The following UBR7 variants were observed in gnomAD, a reference collection of about 807,000 sequenced individuals.
UBR7 encodes ubiquitin protein ligase E3 component n-recognin 7.
A neutral mutation model predicts 57.0 loss-of-function variants in UBR7; 22 were observed. The observed-to-expected ratio is 0.39, with a 90% CI of 0.28 to 0.55. The LOEUF (loss-of-function observed/expected upper bound fraction) is 0.55. Among genes scored for constraint, UBR7 ranks in the 20% least tolerant of loss-of-function variants. The pLI is 0.69. For missense variants in UBR7, 395 were observed against 513.2 expected, an observed-to-expected ratio of 0.77 and a Z score of 2.23; for synonymous variants, 167 against 179.8, an observed-to-expected ratio of 0.93 and a Z score of 0.57.
Position 93,220,422 on chromosome 14 carries a change from T to C in UBR7, c.1123+11T>C, listed in dbSNP as rs761640940. 1.8e-5 allele frequency: 29 copies of C among 1,613,626 alleles called. No homozygotes were observed. The Admixed American group carries it at 4.5e-4, about 25-fold the overall frequency. ...TGGAACTCATTTGTGGTAAATACTG[T>C]GTGTGTGTGAAAATTCATCATTTCC... On this transcript the variant is annotated intron_variant, in intron 9 of 10. Transcript: ENST00000013070.
In UBR7 at chr14:93,228,932, A is replaced by C. The variant is rs1040250262; in HGVS notation, c.*1897A>C. 1 of 453,982 alleles carries C rather than the reference A, an allele frequency of 2.2e-6. No individual in the cohort carries two copies. The highest frequency in any genetic ancestry group is 2.0e-5 in the African/African-American group (1 of 50,014). The allele number at this position is 453,982 out of a possible 1,614,324, so 28.1% of individuals were successfully genotyped here. A position where few individuals can be genotyped will look rare whatever the true frequency, so the allele number is the denominator to read the frequency against. On this transcript the variant is annotated 3_prime_UTR_variant, in exon 11 of 11. Transcript: ENST00000013070. Reference sequence around the variant, plus strand: ...TCAGCGCTGAAGGGCTTGTTTTATGAAAGGTACTATTCCTTCTTTCACATT... The same window carrying C: ...TCAGCGCTGAAGGGCTTGTTTTATGCAAGGTACTATTCCTTCTTTCACATT...
intron 6 of UBR7, among the ~76,000 whole-genome samples, chr14:93,217,662 A>C (rs1894617501): frequency 6.6e-6 from 1 of 152,244 alleles, no homozygotes; most frequent in African/African-American, 2.4e-5. Flanking sequence ...GATATTTTCA[A>C]ATAAACTGTT....
intron 10 of UBR7, among the ~76,000 whole-genome samples, chr14:93,226,556 C>T (rs989655021): frequency 7.2e-5 from 11 of 152,002 alleles, no homozygotes; most frequent in Admixed American, 3.9e-4. Context: ...TTTGGGAGGC[C>T]GAGGCAGGCG....
rs903215144 is a variant in UBR7, at chr14:93,209,963, C to T, written c.284+6C>T. The T allele has an allele frequency of 6.2e-7, 1 of 1,613,738 alleles. No homozygotes were observed. Among genetic ancestry groups the T allele is most frequent in the East Asian group, 2.2e-5 (1 of 44,854 alleles). The stretch of plus-strand genomic sequence containing the variant: ...TTTGAGCTATACACAAAAAGGTAAA[C>T]ATAGTCAAGAGATTGTTACTAAATG... On this transcript the variant is annotated splice_donor_region_variant and intron_variant, in intron 2 of 10. Coordinates refer to ENST00000013070, the MANE Select transcript of UBR7 (RefSeq NM_175748.4).
At chr14:93,212,252 T>G in intron 4 of UBR7, 125 bp downstream of exon 4, 1 of 690,804 alleles carries the variant, frequency 1.4e-6, no homozygotes, top group Non-Finnish European at 2.6e-6. Flanking sequence ...GCTCTAGATT[T>G]ATCTTTTCTT....
chr14:93,226,239 ATC>A (rs1894845873), intron 10 of UBR7, among the ~76,000 whole-genome samples: 1 of 152,010 alleles, frequency 6.6e-6, no homozygotes, highest in South Asian at 2.1e-4. Context: ...CTTTCTCTTT[ATC>A]TCTTTCCCTT....
intron 10 of UBR7, chr14:93,223,633 G>A (rs554854954): frequency 2.3e-5 from 31 of 1,374,832 alleles, no homozygotes; most frequent in South Asian, 4.8e-5. Flanking sequence ...GTGGTGAAGC[G>A]TGGCTTGGGC....
At chr14:93,217,906 A>C (rs1239230772) in intron 6 of UBR7, among the ~76,000 whole-genome samples, 2 of 146,190 alleles carry the variant, frequency 1.4e-5, no homozygotes, top group Non-Finnish European at 3.0e-5. Flanking sequence ...GACCAGCCTG[A>C]CCAACATGGA....
intron 6 of UBR7, among the ~76,000 whole-genome samples, chr14:93,217,207 A>C (rs1470110051): frequency 6.6e-6 from 1 of 151,380 alleles, no homozygotes; most frequent in Non-Finnish European, 1.5e-5. Context: ...TTCTATTTTT[A>C]GTAGAGAAGG....
rs1433654079 is a variant in UBR7, at chr14:93,227,128, C to T, written c.*93C>T. The T allele has an allele frequency of 2.9e-5, 28 of 970,144 alleles. 1 individual carries two copies. The highest frequency in any genetic ancestry group is 2.2e-4 in the Middle Eastern group (1 of 4,646). 60.1% of individuals were successfully genotyped at this position (970,144 alleles called of 1,614,324 possible). On this transcript the variant is annotated 3_prime_UTR_variant, in exon 11 of 11. Coordinates refer to ENST00000013070, the MANE Select transcript of UBR7 (RefSeq NM_175748.4). ...TGTGGTTCACATTTGGCCCCCTTTC[C>T]GTCCTCCTCTGTTTGGAGAGGCCTC...
chr14:93,221,961 A>AAAT (rs1894717869), intron 9 of UBR7, among the ~76,000 whole-genome samples: 3 of 152,152 alleles, frequency 2.0e-5, no homozygotes, highest in East Asian at 1.9e-4. Flanking sequence ...AAAAAATAAA[A>AAAT]TAAATTAAAT....
intron 9 of UBR7, among the ~76,000 whole-genome samples, chr14:93,221,102 C>T (rs1040092114): frequency 4.7e-5 from 7 of 150,236 alleles, no homozygotes; most frequent in African/African-American, 1.7e-4. Context: ...CATGCCACTG[C>T]GCCCCCCCAA....
chr14:93,210,859 G>T (rs1894467815), intron 3 of UBR7, 151 bp downstream of exon 3: 1 of 697,576 alleles, frequency 1.4e-6, no homozygotes, highest in South Asian at 1.7e-5. Context: ...TACTTTGTTA[G>T]AAAAACTATA....
At chr14:93,223,705 T>TGGCC (rs989685566) in intron 10 of UBR7, 9 of 965,584 alleles carry the variant, frequency 9.3e-6, no homozygotes, top group African/African-American at 8.0e-5. Context: ...AACTGCTTGA[T>TGGCC]GGCCGGCCGG....
chr14:93,222,431 A>G, intron 10 of UBR7, 57 bp downstream of exon 10: 1 of 1,298,976 alleles, frequency 7.7e-7, no homozygotes, highest in South Asian at 1.2e-5. Context: ...TGAAGGGTTT[A>G]TTTCCTTTGA....
chr14:93,222,405 C>T lies in UBR7; in HGVS notation c.1185+31C>T, dbSNP rs774290201. ...TTGAGTTAAAGAATTCTAATCATAG[C>T]CCTGTAAGTTTTGAATGAAGGGTTT... On this transcript the variant is annotated intron_variant, in intron 10 of 10. Transcript: ENST00000013070. The T allele has an allele frequency of 2.7e-6, 4 of 1,495,230 alleles. No homozygotes were observed. In the Admixed American group the frequency reaches 5.0e-5, roughly 19 times the overall value. The allele number at this position is 1,495,230 out of a possible 1,614,324, so 92.6% of individuals were successfully genotyped here. A position where few individuals can be genotyped will look rare whatever the true frequency, so the allele number is the denominator to read the frequency against.
rs574604687 is a variant in UBR7, at chr14:93,223,677, T to A, written c.1185+1303T>A. On this transcript the variant is annotated intron_variant, in intron 10 of 10. Transcript: ENST00000013070. ...AGGACCCGGTGGGGCAGCGGGAAAC[T>A]TGATCTTGGAGTCGTGGAACTGCTT... 6.5e-5 allele frequency: 86 copies of A among 1,318,468 alleles called. No homozygotes were observed. In the South Asian group the frequency reaches 9.8e-4, roughly 15 times the overall value. The allele number at this position is 1,318,468 out of a possible 1,614,324, so 81.7% of individuals were successfully genotyped here.
chr14:93,207,460 C>A lies in UBR7; in HGVS notation c.150+19C>A. 6.5e-7 allele frequency: 1 copy of A among 1,535,378 alleles called. No individual in the cohort carries two copies. The highest frequency in any genetic ancestry group is 2.4e-5 in the East Asian group (1 of 41,292). ...CTCTCAGGTGGGCGCGCGGCCCGGGCCTCCTCTCCCCCGGCTCCCGCCGAA... is the reference window on the plus strand; with the variant it reads ...CTCTCAGGTGGGCGCGCGGCCCGGGACTCCTCTCCCCCGGCTCCCGCCGAA... On this transcript the variant is annotated intron_variant, in intron 1 of 10. Coordinates refer to ENST00000013070, the MANE Select transcript of UBR7 (RefSeq NM_175748.4).
At chr14:93,217,994 T>G (rs1894623607) in intron 6 of UBR7, among the ~76,000 whole-genome samples, 1 of 151,118 alleles carries the variant, frequency 6.6e-6, no homozygotes, top group African/African-American at 2.4e-5. Flanking sequence ...CTCAGGGGGC[T>G]GAGGCAGGAG....
Sources: allele counts gnomAD v4.1 joint callset (sites outside exome capture counted in the v4.1 genomes callset), GRCh38; gene constraint gnomAD v4.1.1; transcripts MANE v1.5; gene names NCBI Gene and HGNC (gene_info 2026-07-23, HGNC 2026-07-21).